FRMPD4: variants seen among roughly 807,000 people sequenced by gnomAD.
The protein encoded by FRMPD4 is FERM and PDZ domain containing 4, also known as FERM and PDZ domain-containing protein 4.
Under a neutral mutation model 94.1 loss-of-function variants are expected in FRMPD4, and 22 were observed. The observed-to-expected ratio is 0.23, with a 90% CI of 0.17 to 0.33. The LOEUF (loss-of-function observed/expected upper bound fraction) is 0.33. FRMPD4 is among the 10% of genes least tolerant of loss of function. The pLI is 1.00. For synonymous variants in FRMPD4, 631 were observed against 548.6 expected (o/e 1.15, Z -2.10); for missense variants, 1,111 against 1,339.9 (o/e 0.83, Z 2.67).
At chrX:11,912,690 A>C (rs1359599454) in intron 3 of FRMPD4, among the ~76,000 whole-genome samples, 3 of 111,331 alleles carry the variant, frequency 2.7e-5, no homozygotes. Flanking sequence ...TTTTTTAAAC[A>C]TGTGGAACCT....
At chrX:12,356,796 G>C (rs754163229) in intron 1 of FRMPD4, among the ~76,000 whole-genome samples, 11 of 111,757 alleles carry the variant, frequency 9.8e-5, no homozygotes, top group Non-Finnish European at 2.1e-4. Context: ...GGTGGCTACT[G>C]TATTGAACAG....
intron 1 of FRMPD4, among the ~76,000 whole-genome samples, chrX:12,393,752 T>G (rs766347047): frequency 2.3e-4 from 26 of 112,295 alleles, no homozygotes; most frequent in African/African-American, 7.1e-4. Context: ...TTGTACATAT[T>G]TTTTTCTCAA....
rs2059037256 is a variant in FRMPD4 at position 12,596,962 on chromosome X, T to A, written c.159-12759T>A. 2.7e-5 allele frequency among the ~76,000 whole-genome samples: 3 copies of A among 111,905 alleles called. No individual in the cohort carries two copies. In the Admixed American group the frequency reaches 2.8e-4, roughly 11 times the overall value. ...GTCTCTATTACTTGTCTTTTTAATT[T>A]ATAATCACTGATAAGTCTCAATCTA... is the stretch of plus-strand genomic sequence containing the variant. On this transcript the variant is annotated intron_variant, in intron 2 of 16. Coordinates refer to ENST00000675598, the MANE Select transcript of FRMPD4 (RefSeq NM_001368397.1).
At chrX:12,046,377 C>T (rs898039866) in intron 3 of FRMPD4, among the ~76,000 whole-genome samples, 2 of 110,504 alleles carry the variant, frequency 1.8e-5, no homozygotes, top group African/African-American at 3.3e-5. Context: ...CAAACATGTG[C>T]GTGTTTTTCC....
At chrX:12,562,554 G>A (rs1456136238) in intron 2 of FRMPD4, among the ~76,000 whole-genome samples, 1 of 112,565 alleles carries the variant, frequency 8.9e-6, no homozygotes, top group African/African-American at 3.2e-5. Context: ...TGCAAAAGAA[G>A]TACAAAGTGC....
intron 4 of FRMPD4, among the ~76,000 whole-genome samples, chrX:12,656,982 A>T (rs1454346563): frequency 9.1e-6 from 1 of 109,816 alleles, no homozygotes; most frequent in Non-Finnish European, 1.9e-5. Context: ...GCTATTTGGG[A>T]GGCTGAGGCA....
intron 1 of FRMPD4, among the ~76,000 whole-genome samples, chrX:12,380,455 A>G (rs1427081115): frequency 1.8e-5 from 2 of 112,255 alleles, no homozygotes; most frequent in East Asian, 5.6e-4. Flanking sequence ...GAGTATGTAC[A>G]GCTGCATGAC....
At chrX:12,294,136 T>C (rs2054732774) in intron 1 of FRMPD4, among the ~76,000 whole-genome samples, 2 of 111,458 alleles carry the variant, frequency 1.8e-5, no homozygotes, top group African/African-American at 6.5e-5. Context: ...ACTGCTCTGC[T>C]GCAAGGAGGC....
At chrX:12,268,328 C>T (rs764708926) in intron 1 of FRMPD4, among the ~76,000 whole-genome samples, 1 of 112,345 alleles carries the variant, frequency 8.9e-6, no homozygotes, top group East Asian at 2.8e-4. Context: ...TGAGTGGTAG[C>T]AGTCTGCTCC....
At chrX:12,158,037 G>C (rs2055963635) in intron 1 of FRMPD4, among the ~76,000 whole-genome samples, 2 of 112,167 alleles carry the variant, frequency 1.8e-5, no homozygotes, top group African/African-American at 6.5e-5. Context: ...GGGGGAAAAA[G>C]GAAACGTAGA....
At position 12,276,648 on chromosome X, in the gene FRMPD4, C is replaced by T. The variant is rs1347280878; in HGVS notation, c.41+137636C>T. Among the ~76,000 whole-genome samples, 4 of 110,704 alleles carry T rather than the reference C, an allele frequency of 3.6e-5. No individual in the cohort carries two copies. The Admixed American group carries it at 3.8e-4, about 11-fold the overall frequency. On this transcript the variant is annotated intron_variant, in intron 1 of 16. Coordinates refer to ENST00000675598, the MANE Select transcript of FRMPD4 (RefSeq NM_001368397.1). Reference sequence around the variant, plus strand: ...TAAGAGTCTGCTCTATCAGTAACTCCAAAAGGGAGGAGGGTAAAATGAGGC... The same window carrying T: ...TAAGAGTCTGCTCTATCAGTAACTCTAAAAGGGAGGAGGGTAAAATGAGGC...
At chrX:12,056,237 C>G (rs776170149) in intron 3 of FRMPD4, among the ~76,000 whole-genome samples, 2 of 111,764 alleles carry the variant, frequency 1.8e-5, no homozygotes, top group African/African-American at 6.5e-5. Flanking sequence ...ATTTATTTAA[C>G]GTGTATACAT....
At chrX:12,507,696 T>C (rs376558113) in intron 2 of FRMPD4, among the ~76,000 whole-genome samples, 2 of 112,254 alleles carry the variant, frequency 1.8e-5, no homozygotes, top group African/African-American at 6.5e-5. Flanking sequence ...GTCCTACTTG[T>C]TGCCAGAAAG....
At chrX:12,679,111 C>G (rs1397858568) in intron 5 of FRMPD4, among the ~76,000 whole-genome samples, 1 of 112,147 alleles carries the variant, frequency 8.9e-6, no homozygotes. Flanking sequence ...CTGAGCATAC[C>G]AGCCCAATTT....
chrX:11,944,460 A>G (rs2054178352), intron 3 of FRMPD4, among the ~76,000 whole-genome samples: 1 of 111,979 alleles, frequency 8.9e-6, no homozygotes, highest in Admixed American at 9.5e-5. Flanking sequence ...TTCAGCCTTT[A>G]TCTAGAAATC....
chrX:12,147,701 T>C (rs989016199), intron 1 of FRMPD4, among the ~76,000 whole-genome samples: 7 of 112,237 alleles, frequency 6.2e-5, no homozygotes, highest in Non-Finnish European at 1.3e-4. Flanking sequence ...TTATTGGTGC[T>C]TTATAGATAC....
intron 3 of FRMPD4, among the ~76,000 whole-genome samples, chrX:11,973,515 AT>A (rs947204515): frequency 9.0e-5 from 10 of 111,542 alleles, no homozygotes; most frequent in African/African-American, 3.3e-4. Flanking sequence ...CAGAATCTAA[AT>A]TTTTTTATAG....
At chrX:12,274,675 A>G (rs1331024132) in intron 1 of FRMPD4, among the ~76,000 whole-genome samples, 1 of 112,385 alleles carries the variant, frequency 8.9e-6, no homozygotes, top group Non-Finnish European at 1.9e-5. Flanking sequence ...TTGGGAAGTA[A>G]AGATGGGTTG....
At chrX:12,440,836 G>A (rs1212889977) in intron 1 of FRMPD4, among the ~76,000 whole-genome samples, 3 of 110,416 alleles carry the variant, frequency 2.7e-5, no homozygotes, top group Non-Finnish European at 5.7e-5. Flanking sequence ...AGATTAAGAG[G>A]CAATGAGAAA....
Sources: allele counts gnomAD v4.1 joint callset (sites outside exome capture counted in the v4.1 genomes callset), GRCh38; gene constraint gnomAD v4.1.1; transcripts MANE v1.5; gene names NCBI Gene and HGNC (gene_info 2026-07-23, HGNC 2026-07-21).